TNR: variants seen among roughly 807,000 people sequenced by gnomAD.
TNR encodes tenascin-R.
TNR carries 45 observed loss-of-function variants against 150.4 expected under a neutral mutation model. That is an observed-to-expected ratio of 0.30 (90% CI 0.24 to 0.38). The LOEUF is 0.38. TNR is among the 10% of genes least tolerant of loss of function. The pLI, the probability that TNR is intolerant of heterozygous loss-of-function variation, is 1.00. For synonymous variants in TNR, 687 were observed against 678.4 expected, an observed-to-expected ratio of 1.01 and a Z score of -0.20; for missense variants, 1,544 against 1,759.1, an observed-to-expected ratio of 0.88 and a Z score of 2.19.
chr1:175,654,652 A>G (rs550674259), intron 1 of TNR, among the ~76,000 whole-genome samples: 42 of 146,294 alleles, frequency 2.9e-4, no homozygotes, highest in African/African-American at 1.0e-3. Context: ...CACAGCTGCC[A>G]TCTGTCAAAC....
rs534897359 is a variant in TNR at position 175,523,330 on chromosome 1, A to C, written c.-64+4939T>G. On this transcript the variant is annotated intron_variant, in intron 2 of 22. Transcript: ENST00000367674. ...TATAAGCTTGTTTACACAATTATGC[A>C]AATGATGAGCACTTATACATGGCTG... Among the ~76,000 whole-genome samples the C allele has an allele frequency of 6.6e-5, 10 of 152,394 alleles. No individual in the cohort carries two copies. In the South Asian group the frequency reaches 2.1e-3, roughly 32 times the overall value.
At chr1:175,538,399 A>G (rs1253794558) in intron 1 of TNR, among the ~76,000 whole-genome samples, 7 of 152,226 alleles carry the variant, frequency 4.6e-5, no homozygotes, top group Non-Finnish European at 5.9e-5. Flanking sequence ...CAAATATGGA[A>G]GTATAAGAGA....
chr1:175,580,197 C>T (rs773032467), intron 1 of TNR, among the ~76,000 whole-genome samples: 5 of 152,170 alleles, frequency 3.3e-5, no homozygotes, highest in Admixed American at 1.3e-4. Context: ...TTCTGTCTTG[C>T]GTGTCAGTTA....
In TNR at chr1:175,624,369, T is replaced by A. The variant is rs966404685; in HGVS notation, c.-164-96000A>T. 2.6e-5 allele frequency among the ~76,000 whole-genome samples: 4 copies of A among 152,216 alleles called. 1 individual carries two copies. On this transcript the variant is annotated intron_variant, in intron 1 of 22. Coordinates refer to ENST00000367674, the MANE Select transcript of TNR (RefSeq NM_003285.3). Reference sequence around the variant, plus strand: ...AATGTGACCTTATTTGGAAAAAGGATCTTTGCAGATATATTAGCTAGTTAG... The same window carrying A: ...AATGTGACCTTATTTGGAAAAAGGAACTTTGCAGATATATTAGCTAGTTAG...
intron 7 of TNR, among the ~76,000 whole-genome samples, chr1:175,388,383 G>A (rs1361854760): frequency 6.6e-6 from 1 of 152,204 alleles, no homozygotes; most frequent in Non-Finnish European, 1.5e-5. Flanking sequence ...ATTATGTAGC[G>A]CAGAGGGTTT....
Position 175,359,670 on chromosome 1 carries a change from C to CTGCAGCAGTTTTCTGT in TNR, c.2915_2916insACAGAAAACTGCTGCA (p.Trp973GlnfsTer12). ...CCACCTCACCCACTGGTGCCTTCCACTGCAGCAGGGCTTCTGTTGGAGTGA... is the reference window on the plus strand; with the variant it reads ...CCACCTCACCCACTGGTGCCTTCCACTGCAGCAGTTTTCTGTTGCAGCAGGGCTTCTGTTGGAGTGA... On this transcript the variant is annotated frameshift_variant, in exon 15 of 23. Transcript: ENST00000367674. LOFTEE classifies it high-confidence loss of function. 1 of 1,613,972 alleles carries CTGCAGCAGTTTTCTGT rather than the reference C, an allele frequency of 6.2e-7. No individual in the cohort carries two copies. The highest frequency in any genetic ancestry group is 8.5e-7 in the Non-Finnish European group (1 of 1,179,896).
At position 175,389,979 on chromosome 1, in the gene TNR, G is replaced by GT. The variant is rs541647202; in HGVS notation, c.1507+1308dup. Among the ~76,000 whole-genome samples the GT allele has an allele frequency of 1.1e-3, 170 of 152,352 alleles. 3 individuals carry two copies. The highest frequency in any genetic ancestry group is 3.4e-3 in the Middle Eastern group (1 of 294). The stretch of plus-strand genomic sequence containing the variant: ...TAAAGGACAAAAATCTTAAATGGAT[G>GT]TACAAAATATAAAACAGATCAAAGT... On this transcript the variant is annotated intron_variant, in intron 7 of 22. Transcript: ENST00000367674.
At chr1:175,615,582 T>C (rs140747491) in intron 1 of TNR, among the ~76,000 whole-genome samples, 3 of 152,278 alleles carry the variant, frequency 2.0e-5, no homozygotes, top group African/African-American at 7.2e-5. Flanking sequence ...CTCCTTACGG[T>C]GTAAACTCAG....
chr1:175,403,543 G>A lies in TNR; in HGVS notation c.573C>T (p.Asn191=), dbSNP rs561992940. The A allele has an allele frequency of 1.4e-5, 22 of 1,614,188 alleles. No homozygotes were observed. Among genetic ancestry groups the A allele is most frequent in the East Asian group, 6.7e-5 (3 of 44,876 alleles). Residue 191 remains asparagine (N), a synonymous_variant, in exon 4 of 23, where the codon AAC becomes AAT. Coordinates refer to ENST00000367674, the MANE Select transcript of TNR (RefSeq NM_003285.3). The part of the protein sequence containing the change: ...FSFESCGCIC[N]EGWFGKNCSE... ...AGCAATTCTTGCCAAACCAGCCTTC[G>A]TTGCAGATGCAGCCACAGGACTCAA...
chr1:175,416,601 C>G (rs914989869), intron 2 of TNR, among the ~76,000 whole-genome samples: 3 of 152,166 alleles, frequency 2.0e-5, no homozygotes, highest in African/African-American at 7.2e-5. Context: ...ACATTTAATA[C>G]AACTGCAAAG....
chr1:175,440,475 T>C (rs879411104), intron 2 of TNR, among the ~76,000 whole-genome samples: 3 of 151,588 alleles, frequency 2.0e-5, no homozygotes, highest in Non-Finnish European at 4.4e-5. Flanking sequence ...TGTATATACA[T>C]ATGTAACAAA....
intron 2 of TNR, among the ~76,000 whole-genome samples, chr1:175,408,228 C>T (rs565902497): frequency 3.3e-5 from 5 of 152,090 alleles, no homozygotes; most frequent in African/African-American, 9.7e-5. Flanking sequence ...TTCAGGACGG[C>T]GAGAGTGCTC....
intron 6 of TNR, among the ~76,000 whole-genome samples, chr1:175,392,242 G>T (rs1306269499): frequency 1.3e-5 from 2 of 152,066 alleles, no homozygotes; most frequent in African/African-American, 4.8e-5. Flanking sequence ...AGTGTCCTTA[G>T]AAATGGAGGA....
chr1:175,385,317 G>C (rs1340258599), intron 8 of TNR, among the ~76,000 whole-genome samples: 2 of 152,192 alleles, frequency 1.3e-5, no homozygotes, highest in Non-Finnish European at 2.9e-5. Flanking sequence ...AGAGAGTCAG[G>C]GAGCAAGTCA....
At chr1:175,413,308 G>T (rs1363576612) in intron 2 of TNR, among the ~76,000 whole-genome samples, 1 of 152,256 alleles carries the variant, frequency 6.6e-6, no homozygotes, top group Non-Finnish European at 1.5e-5. Context: ...TTACAGGCAT[G>T]AGCCACCGCG....
At chr1:175,481,432 G>T (rs1451844641) in intron 2 of TNR, among the ~76,000 whole-genome samples, 1 of 152,150 alleles carries the variant, frequency 6.6e-6, no homozygotes, top group African/African-American at 2.4e-5. Context: ...GTTCCAGTGT[G>T]CTCCCTTCCA....
chr1:175,396,693 A>G lies in TNR; in HGVS notation c.1091T>C (p.Leu364Pro). 6.2e-7 allele frequency: 1 copy of G among 1,614,222 alleles called. No individual in the cohort carries two copies. Reference protein sequence around the residue: ...EYVISYQPTALGGLQLQQRVP... With the variant: ...EYVISYQPTAPGGLQLQQRVP... ...CCGCTGCTGGAGCTGGAGGCCCCCC[A>G]GGGCCGTCGGCTGGTAAGAGATCAC... The change falls in exon 5 of 23, where the codon CTG becomes CCG. Residue 364 changes from leucine to proline, a missense_variant. This residue lies in a region of TNR where 1,254 missense variants were observed against 1,329.4 expected (regional missense o/e 0.94). Coordinates refer to ENST00000367674, the MANE Select transcript of TNR (RefSeq NM_003285.3).
rs77004649 is a variant in TNR at position 175,550,554 on chromosome 1, G to A, written c.-164-22185C>T. Among the ~76,000 whole-genome samples, 378 of 149,504 alleles carry A rather than the reference G, an allele frequency of 2.5e-3. 2 individuals carry two copies. Among genetic ancestry groups the A allele is most frequent in the African/African-American group, 9.0e-3 (365 of 40,410 alleles). The stretch of plus-strand genomic sequence containing the variant: ...CCCTTGGGAAGGAGACTGGAACAAT[G>A]TCTCTGTAGAAATGAAGCTGATAAT... On this transcript the variant is annotated intron_variant, in intron 1 of 22. Coordinates refer to ENST00000367674, the MANE Select transcript of TNR (RefSeq NM_003285.3).
chr1:175,558,189 G>T (rs1466167769), intron 1 of TNR, among the ~76,000 whole-genome samples: 1 of 142,500 alleles, frequency 7.0e-6, no homozygotes, highest in African/African-American at 2.6e-5. Context: ...GAGTTAGTGG[G>T]TGCAGCGCAC....
Sources: gnomAD v4.1 joint callset for allele counts (sites outside exome capture counted in the v4.1 genomes callset) on GRCh38, gnomAD v4.1.1 for gene constraint, gnomAD v4.1.1 regional missense constraint, MANE v1.5 for transcripts, NCBI Gene and HGNC (gene_info 2026-07-23, HGNC 2026-07-21) for gene names.